The following STPG2 variants were observed in gnomAD, a reference collection of about 807,000 sequenced individuals.
The protein encoded by STPG2 is sperm tail PG-rich repeat containing 2.
STPG2 carries 56 observed loss-of-function variants against 54.2 expected under a neutral mutation model. The observed-to-expected ratio is 1.03, with a 90% confidence interval of 0.83 to 1.29. The LOEUF is 1.29. Among genes scored for constraint, STPG2 ranks in the 50% most tolerant of loss-of-function variants. The pLI, the probability that STPG2 is intolerant of heterozygous loss-of-function variation, is 0.00. For synonymous variants in STPG2, 200 were observed against 181.8 expected (o/e 1.10, Z -0.81); for missense variants, 596 against 544.9 (o/e 1.09, Z -0.93).
intron 5 of STPG2, among the ~76,000 whole-genome samples, chr4:98,083,282 A>G (rs1303273897): frequency 6.6e-6 from 1 of 152,202 alleles, no homozygotes; most frequent in Non-Finnish European, 1.5e-5. Flanking sequence ...TGATGAAAAG[A>G]TAACTTTGGA....
At chr4:97,910,532 AC>A (rs1372441179) in intron 8 of STPG2, among the ~76,000 whole-genome samples, 1 of 152,234 alleles carries the variant, frequency 6.6e-6, no homozygotes, top group Admixed American at 6.5e-5. Flanking sequence ...CACCAAATTG[AC>A]ATCTGAACCA....
At chr4:97,952,866 T>C (rs1184747700) in intron 7 of STPG2, among the ~76,000 whole-genome samples, 3 of 152,150 alleles carry the variant, frequency 2.0e-5, no homozygotes, top group Admixed American at 6.5e-5. Flanking sequence ...AGTTTTCTCC[T>C]TTCTGGGCAC....
chr4:97,856,810 C>G (rs1416559770), intron 8 of STPG2, among the ~76,000 whole-genome samples: 1 of 152,048 alleles, frequency 6.6e-6, no homozygotes, highest in Non-Finnish European at 1.5e-5. Context: ...ATACATGGCT[C>G]TCATTATTTT....
chr4:97,694,143 A>G (rs1413448332), intron 10 of STPG2, among the ~76,000 whole-genome samples: 1 of 152,194 alleles, frequency 6.6e-6, no homozygotes, highest in Non-Finnish European at 1.5e-5. Flanking sequence ...AAGCCAGCAG[A>G]AGAAACGAAA....
At chr4:97,601,691 G>A (rs1358274052) in intron 10 of STPG2, among the ~76,000 whole-genome samples, 1 of 151,814 alleles carries the variant, frequency 6.6e-6, no homozygotes, top group African/African-American at 2.4e-5. Context: ...CTATTCCATA[G>A]GTCTGATATC....
chr4:97,736,133 A>G (rs1218895562), intron 9 of STPG2, among the ~76,000 whole-genome samples: 5 of 152,002 alleles, frequency 3.3e-5, no homozygotes, highest in South Asian at 2.1e-4. Flanking sequence ...TAAAATGTCA[A>G]TTCCTCAGAA....
At chr4:97,854,948 T>C (rs1003162175) in intron 8 of STPG2, among the ~76,000 whole-genome samples, 1 of 152,200 alleles carries the variant, frequency 6.6e-6, no homozygotes. Context: ...TTCTCCACCA[T>C]GTGTCCACGT....
chr4:98,022,750 T>C (rs1309661870), intron 5 of STPG2, among the ~76,000 whole-genome samples: 1 of 152,280 alleles, frequency 6.6e-6, no homozygotes, highest in Admixed American at 6.5e-5. Context: ...CTTCCCTTCT[T>C]GCTTCATTTC....
chr4:97,764,151 G>GAGGC (rs1431861974), intron 9 of STPG2, among the ~76,000 whole-genome samples: 8 of 147,986 alleles, frequency 5.4e-5, no homozygotes, highest in African/African-American at 2.0e-4. Context: ...CAGAGGCACA[G>GAGGC]ACAGACACAC....
chr4:98,080,338 C>G (rs145329111), intron 5 of STPG2, among the ~76,000 whole-genome samples: 1 of 152,038 alleles, frequency 6.6e-6, no homozygotes, highest in Admixed American at 6.6e-5. Flanking sequence ...AAGCAATATA[C>G]CTGCCTCAGT....
At chr4:97,899,610 G>T (rs1349792876) in intron 8 of STPG2, among the ~76,000 whole-genome samples, 12 of 148,884 alleles carry the variant, frequency 8.1e-5, no homozygotes, top group Non-Finnish European at 1.7e-4. Context: ...TGTGGTAATA[G>T]TACAAAAACA....
intron 5 of STPG2, among the ~76,000 whole-genome samples, chr4:98,101,288 C>G (rs1185892519): frequency 6.6e-6 from 1 of 152,078 alleles, no homozygotes; most frequent in African/African-American, 2.4e-5. Context: ...AGCATGAAAG[C>G]AAAAGAAGAA....
chr4:97,783,538 C>T (rs562701482), intron 9 of STPG2, among the ~76,000 whole-genome samples: 1 of 152,262 alleles, frequency 6.6e-6, no homozygotes, highest in Non-Finnish European at 1.5e-5. Flanking sequence ...GGATCTAGAA[C>T]TAGAAATACC....
At chr4:97,878,033 T>G (rs753441569) in intron 8 of STPG2, among the ~76,000 whole-genome samples, 7 of 152,194 alleles carry the variant, frequency 4.6e-5, no homozygotes, top group Non-Finnish European at 1.0e-4. Context: ...AGTCTGAAAT[T>G]CAGCAGGGCA....
intron 10 of STPG2, among the ~76,000 whole-genome samples, chr4:97,561,364 T>C (rs564326920): frequency 6.6e-6 from 1 of 152,332 alleles, no homozygotes; most frequent in Non-Finnish European, 1.5e-5. Flanking sequence ...GTCAGATAAG[T>C]AGTTTGCGAA....
intron 4 of STPG2, among the ~76,000 whole-genome samples, chr4:97,519,132 A>T: frequency 6.6e-6 from 1 of 152,184 alleles, no homozygotes; most frequent in Non-Finnish European, 1.5e-5. Flanking sequence ...AATAATAATA[A>T]TTACAGAGCT....
chr4:97,860,467 GTTTTATTTTATTTTATTTTATTTTA>G (rs56308311), intron 8 of STPG2, among the ~76,000 whole-genome samples: 2 of 138,698 alleles, frequency 1.4e-5, no homozygotes, highest in African/African-American at 2.6e-5. Flanking sequence ...ATATTCCTAA[GTTTTATTTTATTTTATTTTATTTTA>G]TTTTATTTTA....
intron 9 of STPG2, among the ~76,000 whole-genome samples, chr4:97,793,368 T>TACACAC (rs1483459576): frequency 2.2e-5 from 3 of 136,120 alleles, no homozygotes; most frequent in East Asian, 2.5e-4. Context: ...GAGTTTTATA[T>TACACAC]ATACACACAC....
chr4:98,014,158 T>C (rs1014762533), intron 5 of STPG2, among the ~76,000 whole-genome samples: 2 of 152,196 alleles, frequency 1.3e-5, no homozygotes, highest in Admixed American at 6.6e-5. Context: ...CCAGAGATTC[T>C]GGTACATTGT....
Sources: gnomAD v4.1 joint callset for allele counts (sites outside exome capture counted in the v4.1 genomes callset) on GRCh38, gnomAD v4.1.1 for gene constraint, MANE v1.5 for transcripts, NCBI Gene and HGNC (gene_info 2026-07-23, HGNC 2026-07-21) for gene names.